The following CAPN2 variants were observed in gnomAD, a reference collection of about 807,000 sequenced individuals.
CAPN2 encodes calpain 2.
In CAPN2, 92 loss-of-function variants were observed where a neutral mutation model predicts 102.3. The ratio of observed to expected loss-of-function variants is 0.90; its 90% CI spans 0.76 to 1.07. The LOEUF (loss-of-function observed/expected upper bound fraction) is 1.07. Ranked by LOEUF, CAPN2 falls within the 50% of genes least tolerant of loss-of-function variation. CAPN2 has a pLI of 0.00. For synonymous variants in CAPN2, 340 were observed against 355.4 expected (o/e 0.96, Z 0.49); for missense variants, 800 against 909.4 (o/e 0.88, Z 1.55).
chr1:223,745,967 T>C (rs116320211), intron 4 of CAPN2, among the ~76,000 whole-genome samples: 1,574 of 152,318 alleles, frequency 0.01, 23 homozygotes, highest in African/African-American at 0.036. Flanking sequence ...CTTCCCCATC[T>C]CCGCACAGCT....
chr1:223,764,885 G>A (rs1345469708), intron 15 of CAPN2, among the ~76,000 whole-genome samples: 1 of 152,206 alleles, frequency 6.6e-6, no homozygotes, highest in African/African-American at 2.4e-5. Context: ...ACCGTGCCCG[G>A]CCACATCTTG....
chr1:223,774,293 G>A (rs1055247883), intron 20 of CAPN2, among the ~76,000 whole-genome samples: 3 of 152,024 alleles, frequency 2.0e-5, no homozygotes, highest in Admixed American at 1.3e-4. Context: ...GGAGATCCTC[G>A]CTTCTCGTAG....
rs568101893 is a variant in CAPN2, at chr1:223,756,139, A to G, written c.1305+490A>G. Among the ~76,000 whole-genome samples, 1 of 152,236 alleles carries G rather than the reference A, an allele frequency of 6.6e-6. No individual in the cohort carries two copies. Among genetic ancestry groups the G allele is most frequent in the South Asian group, 2.1e-4 (1 of 4,822 alleles). ...CCCAGGGCTCTGATGGCTGGAGCCC[A>G]GATCCCTACACAGACTCCTGCTGTA... On this transcript the variant is annotated intron_variant, in intron 10 of 20. Transcript: ENST00000295006. The surrounding 1 kb of genome is among the most constrained non-coding windows in gnomAD (Gnocchi z 4.1).
chr1:223,773,893 G>A (rs936961605), intron 20 of CAPN2, among the ~76,000 whole-genome samples: 3 of 151,832 alleles, frequency 2.0e-5, no homozygotes, highest in Non-Finnish European at 4.4e-5. Flanking sequence ...AATGAGCCAG[G>A]CATGGTGGTG....
In CAPN2 at chr1:223,725,715, G is replaced by C. The variant is rs1331860886; in HGVS notation, c.307+7884G>C. 3.3e-5 allele frequency among the ~76,000 whole-genome samples: 5 copies of C among 152,120 alleles called. No homozygotes were observed. The highest frequency in any genetic ancestry group is 7.3e-5 in the Non-Finnish European group (5 of 68,036). ...CGGAAACTCAGAGGAGTTTCCTGCT[G>C]TAATTTTCTTTGGTCACACAATGGT... On this transcript the variant is annotated intron_variant, in intron 2 of 20. Transcript: ENST00000295006. The surrounding 1 kb of genome is among the most constrained non-coding windows in gnomAD (Gnocchi z 4.1).
chr1:223,764,009 C>T (rs1661249155), intron 14 of CAPN2, 141 bp from the exon 15 acceptor site: 3 of 692,100 alleles, frequency 4.3e-6, no homozygotes, highest in Non-Finnish European at 8.1e-6. Flanking sequence ...GGGACAGCAG[C>T]CCCAACATGG....
At position 223,749,133 on chromosome 1, in the gene CAPN2, G is replaced by T. The variant is rs773972885; in HGVS notation, c.813+11G>T. 37 of 1,612,256 alleles carry T rather than the reference G, an allele frequency of 2.3e-5. No individual in the cohort carries two copies. The highest frequency in any genetic ancestry group is 1.7e-5 in the Admixed American group (1 of 60,012). On this transcript the variant is annotated intron_variant, in intron 6 of 20. Coordinates refer to ENST00000295006, the MANE Select transcript of CAPN2 (RefSeq NM_001748.5). ...ACCGGAGCCGAGGAGGTAACGGCCG[G>T]CGCGGATGTGCAGGGGTCCTGCTGT...
intron 2 of CAPN2, among the ~76,000 whole-genome samples, chr1:223,739,490 C>T (rs916502155): frequency 7.9e-5 from 12 of 152,100 alleles, no homozygotes; most frequent in African/African-American, 2.9e-4. Context: ...GGCCCATAAG[C>T]AGATTTTGTA....
intron 4 of CAPN2, 46 bp from the exon 5 acceptor site, chr1:223,746,951 A>G: frequency 1.3e-6 from 2 of 1,556,166 alleles, no homozygotes; most frequent in Non-Finnish European, 1.8e-6. Context: ...AGATTATAGC[A>G]TCAGTAGTGT....
At chr1:223,708,092 TGAAACCCTTGCACCA>T (rs1478693263), upstream of CAPN2, among the ~76,000 whole-genome samples, 6 of 152,344 alleles carry the variant, frequency 3.9e-5, no homozygotes, top group African/African-American at 1.4e-4. Flanking sequence ...GATGGCTTCA[TGAAACCCTTGCACCA>T]GAAACCCATG....
chr1:223,761,207 G>GTGT (rs1661176808), intron 12 of CAPN2, among the ~76,000 whole-genome samples: 1 of 152,224 alleles, frequency 6.6e-6, no homozygotes, highest in South Asian at 2.1e-4. Flanking sequence ...CACGCTACAC[G>GTGT]CGAAGGCTAT....
chr1:223,757,456 C>G (rs1300490081), intron 11 of CAPN2, 76 bp downstream of exon 11: 3 of 1,528,522 alleles, frequency 2.0e-6, no homozygotes, highest in Non-Finnish European at 1.8e-6. Context: ...GCTCAGGGAG[C>G]GTCGTGAAGC....
At chr1:223,752,749 C>G in intron 8 of CAPN2, 47 bp from the exon 9 acceptor site, 1 of 1,598,394 alleles carries the variant, frequency 6.3e-7, no homozygotes, top group Non-Finnish European at 8.6e-7. Context: ...CAAGGCTTAC[C>G]AGTGTGTCTT....
At chr1:223,748,043 C>G (rs913566007) in intron 5 of CAPN2, among the ~76,000 whole-genome samples, 2 of 152,120 alleles carry the variant, frequency 1.3e-5, no homozygotes, top group African/African-American at 2.4e-5. Flanking sequence ...CACAGGTTCC[C>G]TGGGAGCCCC....
chr1:223,761,745 G>A, intron 13 of CAPN2, 128 bp downstream of exon 13: 1 of 767,060 alleles, frequency 1.3e-6, no homozygotes, highest in Non-Finnish European at 2.2e-6. Context: ...GCCGGGTACT[G>A]GGAATCCAAG....
intron 6 of CAPN2, 102 bp downstream of exon 6, chr1:223,749,224 TCCA>T: frequency 2.0e-6 from 2 of 1,000,782 alleles, no homozygotes; most frequent in Non-Finnish European, 3.1e-6. Context: ...CCCACGGTGG[TCCA>T]GTTTACACTC....
At chr1:223,761,947 AATT>A (rs1396367811) in intron 13 of CAPN2, among the ~76,000 whole-genome samples, 1 of 152,230 alleles carries the variant, frequency 6.6e-6, no homozygotes, top group Non-Finnish European at 1.5e-5. Flanking sequence ...CTCTGTGAGA[AATT>A]AGAATATTAC....
At chr1:223,720,315 C>CTCTCT (rs564518898) in intron 2 of CAPN2, among the ~76,000 whole-genome samples, 142 of 107,456 alleles carry the variant, frequency 1.3e-3, no homozygotes, top group Non-Finnish European at 1.6e-3. Flanking sequence ...CTCTTTCTCT[C>CTCTCT]TTTTTTTTTT....
At chr1:223,730,097 A>G (rs539897953) in intron 2 of CAPN2, among the ~76,000 whole-genome samples, 7 of 151,534 alleles carry the variant, frequency 4.6e-5, no homozygotes, top group Non-Finnish European at 8.8e-5. Flanking sequence ...TTAGAGACCA[A>G]GGTTTTTATT....
Sources: gnomAD v4.1 joint callset for allele counts (sites outside exome capture counted in the v4.1 genomes callset) on GRCh38, gnomAD v4.1.1 for gene constraint, Gnocchi (gnomAD v3.1) non-coding constraint, MANE v1.5 for transcripts, NCBI Gene and HGNC (gene_info 2026-07-23, HGNC 2026-07-21) for gene names.